CUX1: variants seen among roughly 807,000 people sequenced by gnomAD.
CUX1 encodes the protein cut like homeobox 1.
Under a neutral mutation model 158.8 loss-of-function variants are expected in CUX1, and 31 were observed. The observed-to-expected ratio is 0.20, with a 90% CI of 0.15 to 0.26. CUX1 has a LOEUF of 0.26. CUX1 is among the 10% of genes least tolerant of loss of function. The pLI is 1.00. For synonymous variants in CUX1, 879 were observed against 862.1 expected (o/e 1.02, Z -0.34); for missense variants, 1,589 against 2,014.6 (o/e 0.79, Z 4.04).
At position 102,248,871 on chromosome 7, in the gene CUX1, C is replaced by G. The variant is rs1586436912; in HGVS notation, c.4347C>G (p.Ala1449=). 2 of 1,316,336 alleles carry G rather than the reference C, an allele frequency of 1.5e-6. No individual in the cohort carries two copies. The highest frequency in any genetic ancestry group is 3.6e-5 in the Admixed American group (1 of 27,712). 81.5% of individuals were successfully genotyped at this position (1,316,336 alleles called of 1,614,324 possible). ...CCAGCAACAGCAGCAGCAGCAGCGC[C>G]CCCCGCAGGCCCAGCTCGCTGCAGA... ...PPPSNSSSSS[A]PRRPSSLQSL... Residue 1449 remains alanine, a synonymous_variant, in exon 24 of 24, where the codon GCC becomes GCG. Coordinates refer to ENST00000292535, the MANE Select transcript of CUX1 (RefSeq NM_181552.4). This position sits in a 1 kb window ranked among gnomAD's most constrained non-coding sequence, Gnocchi z 5.8.
intron 4 of CUX1, among the ~76,000 whole-genome samples, chr7:102,086,370 A>G (rs1258867129): frequency 1.3e-5 from 2 of 148,994 alleles, no homozygotes; most frequent in Non-Finnish European, 3.0e-5. Context: ...GTTTTATTTC[A>G]TTGTGGTCAG....
chr7:102,017,302 A>G (rs1232828588), intron 2 of CUX1, among the ~76,000 whole-genome samples: 1 of 151,546 alleles, frequency 6.6e-6, no homozygotes, highest in African/African-American at 2.4e-5. Flanking sequence ...AAAAAAAAAA[A>G]AAAAGTGAGC....
At chr7:102,168,936 TTC>T (rs1554509665) in intron 9 of CUX1, among the ~76,000 whole-genome samples, 1,034 of 74,098 alleles carry the variant, frequency 0.014, 29 homozygotes, top group African/African-American at 0.05. Context: ...TTCTTTTATT[TTC>T]TTTTTTTTTT....
intron 2 of CUX1, among the ~76,000 whole-genome samples, chr7:101,918,334 T>G (rs995422644): frequency 2.0e-5 from 3 of 152,262 alleles, no homozygotes; most frequent in African/African-American, 7.2e-5. Context: ...TTGGCGTTTT[T>G]ATCTCCTTCT....
rs1441518170 is a variant in CUX1 at position 102,249,449 on chromosome 7, A to T, written c.*407A>T. On this transcript the variant is annotated 3_prime_UTR_variant, in exon 24 of 24. Transcript: ENST00000292535. ...GTCGTGTTTTCAAGGAAGAAAACGG[A>T]AATGTGTGGTCGAGCTTTTTTGTAC... The T allele has an allele frequency of 1.0e-6, 1 of 986,374 alleles. No individual in the cohort carries two copies. Among genetic ancestry groups the T allele is most frequent in the Non-Finnish European group, 1.2e-6 (1 of 830,262 alleles). 61.1% of individuals were successfully genotyped at this position (986,374 alleles called of 1,614,324 possible).
chr7:101,988,900 A>G lies in CUX1; in HGVS notation c.142-39198A>G, dbSNP rs542434592. Reference sequence around the variant, plus strand: ...TGTGGTCCCAGCTACTCGGAAGGCCAAGGCAGGAGGATTGCTTCAGTCCTG... The same window carrying G: ...TGTGGTCCCAGCTACTCGGAAGGCCGAGGCAGGAGGATTGCTTCAGTCCTG... On this transcript the variant is annotated intron_variant, in intron 2 of 23. Transcript: ENST00000292535. Among the ~76,000 whole-genome samples, 40 of 152,184 alleles carry G rather than the reference A, an allele frequency of 2.6e-4. No individual in the cohort carries two copies. In the South Asian group the frequency reaches 8.3e-3, roughly 32 times the overall value.
intron 1 of CUX1, among the ~76,000 whole-genome samples, chr7:101,874,832 TAAATG>T (rs1225607884): frequency 6.6e-6 from 1 of 152,202 alleles, no homozygotes; most frequent in African/African-American, 2.4e-5. Context: ...CAATTGCACC[TAAATG>T]AAATAATTTG....
At chr7:101,926,166 A>T (rs1347853030) in intron 2 of CUX1, among the ~76,000 whole-genome samples, 1 of 152,186 alleles carries the variant, frequency 6.6e-6, no homozygotes, top group Non-Finnish European at 1.5e-5. Context: ...AAACCCCAGT[A>T]ATCAACTTGT....
chr7:102,009,176 A>G (rs1358651026), intron 2 of CUX1, among the ~76,000 whole-genome samples: 1 of 152,172 alleles, frequency 6.6e-6, no homozygotes, highest in Non-Finnish European at 1.5e-5. Context: ...CTCAGGTGCA[A>G]TGTATAACCT....
intron 1 of CUX1, chr7:101,913,197 T>G: frequency 3.2e-6 from 1 of 309,820 alleles, no homozygotes; most frequent in South Asian, 2.6e-5. Context: ...TTTCAAGCCT[T>G]AAATCTGATC....
intron 8 of CUX1, among the ~76,000 whole-genome samples, chr7:102,138,289 T>C (rs1834109323): frequency 6.6e-6 from 1 of 152,248 alleles, no homozygotes; most frequent in South Asian, 2.1e-4. Flanking sequence ...TGGGTAAATT[T>C]GGCCTAATTA....
chr7:102,086,246 C>CTTTTTTTTTTTTTTTTCTT (rs201405420), intron 4 of CUX1, among the ~76,000 whole-genome samples: 1 of 138,266 alleles, frequency 7.2e-6, no homozygotes, highest in African/African-American at 2.6e-5. Context: ...TGATTTTTCT[C>CTTTTTTTTTTTTTTTTCTT]TTTTTTTTTT....
At chr7:102,208,724 C>A (rs1554522350) in intron 20 of CUX1, among the ~76,000 whole-genome samples, 1 of 152,168 alleles carries the variant, frequency 6.6e-6, no homozygotes, top group Non-Finnish European at 1.5e-5. Flanking sequence ...GATTCCGATT[C>A]CCTGTTCTTC....
chr7:101,976,070 T>C (rs1812628424), intron 2 of CUX1, among the ~76,000 whole-genome samples: 1 of 151,230 alleles, frequency 6.6e-6, no homozygotes, highest in Non-Finnish European at 1.5e-5. Flanking sequence ...GAGGTGAAGA[T>C]TGCAGTGAGC....
intron 2 of CUX1, among the ~76,000 whole-genome samples, chr7:101,936,928 A>T (rs967186670): frequency 1.3e-5 from 2 of 152,138 alleles, no homozygotes; most frequent in African/African-American, 4.8e-5. Flanking sequence ...GTGTGTGTGT[A>T]TGCTTGTTAA....
At chr7:102,045,422 G>C (rs573384974) in intron 3 of CUX1, among the ~76,000 whole-genome samples, 5 of 152,246 alleles carry the variant, frequency 3.3e-5, no homozygotes, top group Non-Finnish European at 5.9e-5. Flanking sequence ...CGCCACTGCC[G>C]GGTGCCACTG....
At chr7:101,875,298 G>T (rs1799017776) in intron 1 of CUX1, among the ~76,000 whole-genome samples, 1 of 152,064 alleles carries the variant, frequency 6.6e-6, no homozygotes, top group Non-Finnish European at 1.5e-5. Context: ...GTTTTTTGTT[G>T]TTTTTAGAAA....
intron 2 of CUX1, among the ~76,000 whole-genome samples, chr7:101,945,601 G>C (rs1018870745): frequency 2.6e-5 from 4 of 152,326 alleles, no homozygotes; most frequent in African/African-American, 9.6e-5. Flanking sequence ...TGAGTACCCA[G>C]TGGGACATCC....
At chr7:101,977,958 T>C (rs1812917897) in intron 2 of CUX1, among the ~76,000 whole-genome samples, 2 of 151,998 alleles carry the variant, frequency 1.3e-5, no homozygotes, top group Admixed American at 1.3e-4. Flanking sequence ...TTTCCCCTTC[T>C]TAAAACGTTT....
Sources: allele counts gnomAD v4.1 joint callset (sites outside exome capture counted in the v4.1 genomes callset), GRCh38; gene constraint gnomAD v4.1.1; non-coding constraint Gnocchi (gnomAD v3.1); transcripts MANE v1.5; gene names NCBI Gene and HGNC (gene_info 2026-07-23, HGNC 2026-07-21).